PRKAR1A: variants seen among roughly 807,000 people sequenced by gnomAD.
PRKAR1A encodes cAMP-dependent protein kinase type I-alpha regulatory subunit.
A neutral mutation model predicts 52.0 loss-of-function variants in PRKAR1A; 3 were observed. The observed-to-expected ratio is 0.06, with a 90% CI of 0.03 to 0.15. The LOEUF is 0.15. PRKAR1A is among the 10% of genes least tolerant of loss of function. PRKAR1A has a pLI of 1.00. For missense variants in PRKAR1A, 240 were observed against 477.4 expected, an observed-to-expected ratio of 0.50 and a Z score of 4.63; for synonymous variants, 188 against 168.4, an observed-to-expected ratio of 1.12 and a Z score of -0.90.
At chr17:68,451,405 G>C in the PRKAR1A span, among the ~76,000 whole-genome samples, 3 of 152,202 alleles carry the variant, frequency 2.0e-5, no homozygotes, top group Non-Finnish European at 4.4e-5. Context: ...CTGCACTCCA[G>C]CCTGGGCGAC....
the PRKAR1A span, among the ~76,000 whole-genome samples, chr17:68,496,132 C>T: frequency 7.3e-6 from 1 of 136,270 alleles, no homozygotes; most frequent in African/African-American, 2.8e-5. Flanking sequence ...ACCTCCGCCT[C>T]CCGGGGTCAA....
chr17:68,422,714 G>GGGA, the PRKAR1A span: 1 of 124,398 alleles, frequency 8.0e-6, no homozygotes, highest in Non-Finnish European at 1.6e-5. Context: ...GAGGGACAGA[G>GGGA]TGAGACTCTA....
chr17:68,501,648 A>T, the PRKAR1A span, among the ~76,000 whole-genome samples: 1 of 152,084 alleles, frequency 6.6e-6, no homozygotes, highest in East Asian at 1.9e-4. Flanking sequence ...GTAGAGAGGG[A>T]CATCTCACTA....
the PRKAR1A span, chr17:68,433,455 G>T: frequency 6.2e-7 from 1 of 1,611,342 alleles, no homozygotes; most frequent in Non-Finnish European, 8.5e-7. Flanking sequence ...TTGGTGCCCC[G>T]CGGAGTACTT....
chr17:68,484,438 A>G, the PRKAR1A span, among the ~76,000 whole-genome samples: 1 of 150,414 alleles, frequency 6.6e-6, no homozygotes, highest in African/African-American at 2.4e-5. Context: ...CAACCTTGCT[A>G]AACTCACTTA....
At chr17:68,416,979 G>T in the PRKAR1A span, among the ~76,000 whole-genome samples, 3 of 152,122 alleles carry the variant, frequency 2.0e-5, no homozygotes, top group African/African-American at 7.2e-5. Flanking sequence ...GTTAATCAGG[G>T]ATTTTTTTCT....
At chr17:68,429,980 G>T in the PRKAR1A span, 1 of 1,613,982 alleles carries the variant, frequency 6.2e-7, no homozygotes, top group Non-Finnish European at 8.5e-7. Context: ...TTCAGAGTGG[G>T]TGTCATTGTA....
the PRKAR1A span, among the ~76,000 whole-genome samples, chr17:68,484,761 A>G: frequency 1.3e-5 from 2 of 152,370 alleles, no homozygotes; most frequent in East Asian, 1.9e-4. Context: ...GCTGACAAAC[A>G]AAGTAGTGTT....
At chr17:68,489,385 A>G in the PRKAR1A span, among the ~76,000 whole-genome samples, 1 of 31,072 alleles carries the variant, frequency 3.2e-5, no homozygotes, top group Admixed American at 4.8e-4. Context: ...TATGGAAAGT[A>G]TATATATATA....
chr17:68,529,295 A>G (rs2085890914), intron 9 of PRKAR1A, among the ~76,000 whole-genome samples: 1 of 152,226 alleles, frequency 6.6e-6, no homozygotes, highest in Non-Finnish European at 1.5e-5. Context: ...ATTCTGCACT[A>G]TTCTTGTTAA....
chr17:68,440,819 C>A, the PRKAR1A span: 1 of 152,150 alleles, frequency 6.6e-6, no homozygotes. Flanking sequence ...GCATGTCAAA[C>A]TTTAGGTAAG....
At chr17:68,515,255 C>G in intron 1 of PRKAR1A, 139 bp from the exon 2 acceptor site, 1 of 832,360 alleles carries the variant, frequency 1.2e-6, no homozygotes, top group Admixed American at 2.1e-5. Flanking sequence ...CCCTAGTCCC[C>G]ACTTCCCTGT....
At chr17:68,428,090 G>T in the PRKAR1A span, among the ~76,000 whole-genome samples, 10 of 152,038 alleles carry the variant, frequency 6.6e-5, no homozygotes, top group African/African-American at 4.8e-5. Context: ...TAAGGATGGG[G>T]TTTCACCATG....
the PRKAR1A span, chr17:68,440,794 G>A: frequency 6.6e-6 from 1 of 152,120 alleles, no homozygotes; most frequent in Non-Finnish European, 1.5e-5. Flanking sequence ...TTCTCATCTT[G>A]GTATTTAAAG....
At chr17:68,541,029 C>G (rs1439671118) in intron 11 of PRKAR1A, 3 of 1,542,298 alleles carry the variant, frequency 1.9e-6, no homozygotes, top group Non-Finnish European at 2.6e-6. Flanking sequence ...CCCCACACCT[C>G]CCCCTGCCCC....
chr17:68,524,819 A>G (rs2085734705), intron 5 of PRKAR1A, 93 bp from the exon 6 acceptor site: 2 of 947,806 alleles, frequency 2.1e-6, no homozygotes, highest in African/African-American at 3.2e-5. Flanking sequence ...CTCTCACAGT[A>G]CCACTGTAAA....
the PRKAR1A span, among the ~76,000 whole-genome samples, chr17:68,448,095 G>T: frequency 1.3e-5 from 2 of 151,924 alleles, no homozygotes; most frequent in African/African-American, 4.8e-5. Context: ...CTGTCTGAAG[G>T]CCTGAGGAAG....
At chr17:68,520,366 G>A (rs987714428) in intron 2 of PRKAR1A, among the ~76,000 whole-genome samples, 2 of 152,200 alleles carry the variant, frequency 1.3e-5, no homozygotes, top group African/African-American at 4.8e-5. Context: ...AGAAGATAGT[G>A]CAGAATTTAA....
At chr17:68,494,346 C>T in the PRKAR1A span, among the ~76,000 whole-genome samples, 4 of 152,102 alleles carry the variant, frequency 2.6e-5, no homozygotes, top group East Asian at 7.7e-4. Flanking sequence ...TCGAGACCAG[C>T]CTGGCCAGCA....
Sources: gnomAD v4.1 joint callset for allele counts (sites outside exome capture counted in the v4.1 genomes callset) on GRCh38, gnomAD v4.1.1 for gene constraint, MANE v1.5 for transcripts, NCBI Gene and HGNC (gene_info 2026-07-23, HGNC 2026-07-21) for gene names.